Variants in PATZ1 observed in about 807,000 individuals in gnomAD.
The protein encoded by PATZ1 is POZ-, AT hook-, and zinc finger-containing protein 1.
A neutral mutation model predicts 46.2 loss-of-function variants in PATZ1; 9 were observed. The ratio of observed to expected loss-of-function variants is 0.19; its 90% CI spans 0.12 to 0.34. The LOEUF (loss-of-function observed/expected upper bound fraction) is 0.34, where lower values mean the gene tolerates loss of function less well. Among genes scored for constraint, PATZ1 ranks in the 10% least tolerant of loss-of-function variants. PATZ1 has a pLI of 1.00. For missense variants in PATZ1, 632 were observed against 923.0 expected (o/e 0.68, Z 4.08); for synonymous variants, 426 against 378.6 (o/e 1.13, Z -1.45).
At position 31,331,268 on chromosome 22, in the gene PATZ1, T is replaced by C. The variant is rs527356289; in HGVS notation, c.1508-2344A>G. Among the ~76,000 whole-genome samples, 6 of 152,176 alleles carry C rather than the reference T, an allele frequency of 3.9e-5. No homozygotes were observed. The East Asian group carries it at 1.2e-3, about 29-fold the overall frequency. ...AAAACAAAGCAGAACCAGGAGACAT[T>C]GGCTCCCACCAATCAGTACAAGATA... On this transcript the variant is annotated intron_variant, in intron 3 of 4. Coordinates refer to ENST00000266269, the MANE Select transcript of PATZ1 (RefSeq NM_014323.3).
In PATZ1 at chr22:31,326,555, TAGG is replaced by T. The variant is rs1224690595; in HGVS notation, c.*333_*335del. ...TCCCAGAATATCATAGATTTGGGTA[TAGG>T]ATTGGGGTCACTAAGAATTGAGCAC... On this transcript the variant is annotated 3_prime_UTR_variant, in exon 5 of 5. Coordinates refer to ENST00000266269, the MANE Select transcript of PATZ1 (RefSeq NM_014323.3). The T allele has an allele frequency of 1.4e-5, 4 of 294,412 alleles. No individual in the cohort carries two copies. Among genetic ancestry groups the T allele is most frequent in the African/African-American group, 8.6e-5 (4 of 46,646 alleles). 18.2% of individuals were successfully genotyped at this position (294,412 alleles called of 1,614,324 possible).
rs201619813 is a variant in PATZ1 at position 31,344,783 on chromosome 22, T to A, written c.820A>T (p.Asn274Tyr). ...GACCCAAACATTGAGTCCAGCAGGT[T>A]GGCCTTCCTTGGGCGGCCCCGGCCT... ...KRGRGRPRKA[N>Y]LLDSMFGSPG... The change falls in exon 1 of 5, where the codon AAC becomes TAC. Residue 274 changes from asparagine (N) to tyrosine (Y), a missense_variant. Asn to Tyr is a moderately radical substitution (Grantham distance 143). Transcript: ENST00000266269. The A allele has an allele frequency of 6.2e-7, 1 of 1,609,182 alleles. No homozygotes were observed. Among genetic ancestry groups the A allele is most frequent in the East Asian group, 2.2e-5 (1 of 44,786 alleles).
At chr22:31,329,140 C>T (rs2049405803) in intron 3 of PATZ1, among the ~76,000 whole-genome samples, 1 of 152,206 alleles carries the variant, frequency 6.6e-6, no homozygotes, top group Non-Finnish European at 1.5e-5. Flanking sequence ...CTGCAGAGCC[C>T]ACTCTGCAAG....
rs970417841 is a variant in PATZ1 at position 31,341,067 on chromosome 22, G to C, written c.1335+1830C>G. 3.7e-6 allele frequency: 4 copies of C among 1,094,490 alleles called. No homozygotes were observed. The African/African-American group carries it at 6.4e-5, about 18-fold the overall frequency. 67.8% of individuals were successfully genotyped at this position (1,094,490 alleles called of 1,614,324 possible). A position where few individuals can be genotyped will look rare whatever the true frequency, so the allele number is the denominator to read the frequency against. ...CCAGGCCTATGGGAAGTGATGCCAG[G>C]GGAAGGGAAGCAGATAAGCTGGTGG... On this transcript the variant is annotated intron_variant, in intron 2 of 4. Transcript: ENST00000266269.
chr22:31,333,626 A>T (rs1440197835), intron 3 of PATZ1, among the ~76,000 whole-genome samples: 1 of 151,880 alleles, frequency 6.6e-6, no homozygotes, highest in Non-Finnish European at 1.5e-5. Flanking sequence ...CACCTTCTTT[A>T]GTCTTCTTGC....
rs1165320794 is a variant in PATZ1 at position 31,335,696 on chromosome 22, G to C, written c.1503C>G (p.Asn501Lys). 6.2e-7 allele frequency: 1 copy of C among 1,613,878 alleles called. No individual in the cohort carries two copies. The highest frequency in any genetic ancestry group is 1.3e-5 in the African/African-American group (1 of 75,016). ...EGPSNFCSIC[N>K]RGFSSASYLK... ...AGGAAACAGTGGGCAGATTACCTCG[G>C]TTACAGATACTGCAGAAGTTGCTGG... The change falls in exon 3 of 5, where the codon AAC becomes AAG. Residue 501 changes from asparagine to lysine, a missense_variant. Coordinates refer to ENST00000266269, the MANE Select transcript of PATZ1 (RefSeq NM_014323.3).
intron 1 of PATZ1, 59 bp downstream of exon 1, chr22:31,344,273 G>C (rs911115817): frequency 1.4e-5 from 21 of 1,450,118 alleles, no homozygotes; most frequent in Non-Finnish European, 1.9e-5. Flanking sequence ...ATCTTGGCAG[G>C]AGCCTTTTCA....
intron 2 of PATZ1, among the ~76,000 whole-genome samples, chr22:31,336,784 C>G (rs2049515381): frequency 8.6e-6 from 1 of 116,034 alleles, no homozygotes; most frequent in African/African-American, 3.5e-5. Flanking sequence ...CCAGCCTGGG[C>G]AACAAGTCAA....
chr22:31,335,402 C>A, intron 3 of PATZ1: 1 of 342,802 alleles, frequency 2.9e-6, no homozygotes. Flanking sequence ...ATCCATCCTG[C>A]CATCTGAGTA....
intron 3 of PATZ1, among the ~76,000 whole-genome samples, chr22:31,330,107 C>T (rs541405569): frequency 7.2e-5 from 11 of 152,318 alleles, no homozygotes; most frequent in African/African-American, 2.4e-4. Flanking sequence ...TGTGTAATGT[C>T]TGCATGAGAT....
intron 1 of PATZ1, chr22:31,343,620 A>T (rs2049610322): frequency 6.1e-6 from 1 of 163,318 alleles, no homozygotes; most frequent in African/African-American, 2.4e-5. Context: ...AAACAAAATC[A>T]CCCTCTGCTC....
intron 3 of PATZ1, among the ~76,000 whole-genome samples, chr22:31,331,071 C>T (rs2049434978): frequency 1.3e-5 from 2 of 152,174 alleles, no homozygotes. Context: ...GCAAGTTGTC[C>T]TGTGCTATGA....
intron 2 of PATZ1, 24 bp downstream of exon 2, chr22:31,342,873 T>C (rs767586195): frequency 2.5e-6 from 4 of 1,613,000 alleles, no homozygotes; most frequent in South Asian, 2.2e-5. Flanking sequence ...CTTCAGCCCA[T>C]CTCTGCCCTG....
Position 31,345,504 on chromosome 22 carries a change from C to T in PATZ1, c.99G>A (p.Gln33=). 6.2e-7 allele frequency: 1 copy of T among 1,613,386 alleles called. No individual in the cohort carries two copies. Among genetic ancestry groups the T allele is most frequent in the Non-Finnish European group, 8.5e-7 (1 of 1,179,910 alleles). ...CGCAGAAGCGCCCGCCGTTTTTGCG[C>T]TGCTGGTTCAGGTTGTGCAGCATCT... ...STEMLHNLNQ[Q]RKNGGRFCDV... The change falls in exon 1 of 5, where the codon CAG becomes CAA. Residue 33 remains glutamine (Q), a synonymous_variant. Transcript: ENST00000266269. This position sits in a 1 kb window ranked among gnomAD's most constrained non-coding sequence, Gnocchi z 7.4.
At chr22:31,341,633 G>A (rs148123855) in intron 2 of PATZ1, 8 of 1,613,896 alleles carry the variant, frequency 5.0e-6, no homozygotes, top group Admixed American at 3.3e-5. Context: ...ATGGCAGGTC[G>A]CTAGGAAGAG....
chr22:31,344,306 G>T (rs752624661), intron 1 of PATZ1, 26 bp downstream of exon 1: 3 of 1,562,912 alleles, frequency 1.9e-6, no homozygotes, highest in South Asian at 2.4e-5. Context: ...CGTGTGGCAG[G>T]GGAGGAAGAG....
chr22:31,345,644 C>G lies in PATZ1; in HGVS notation c.-42G>C. The G allele has an allele frequency of 6.5e-7, 1 of 1,529,006 alleles. No homozygotes were observed. The highest frequency in any genetic ancestry group is 8.8e-7 in the Non-Finnish European group (1 of 1,131,678). The allele number at this position is 1,529,006 out of a possible 1,614,324, so 94.7% of individuals were successfully genotyped here. A position where few individuals can be genotyped will look rare whatever the true frequency, so the allele number is the denominator to read the frequency against. ...CACTAGCCCGGCCGCTGCACCTGCC[C>G]GCCCCCTCCCTTCCCCTCAGCAGCG... is the stretch of plus-strand genomic sequence containing the variant. On this transcript the variant is annotated 5_prime_UTR_variant, in exon 1 of 5. Coordinates refer to ENST00000266269, the MANE Select transcript of PATZ1 (RefSeq NM_014323.3). The surrounding 1 kb of genome is among the most constrained non-coding windows in gnomAD (Gnocchi z 7.4).
chr22:31,326,430 A>G lies in PATZ1; in HGVS notation c.*461T>C, dbSNP rs2049371192. ...TCCTTAAAAACAGTTGGGCATCCGCATTGTATAAGTAGGTGGAGACCCTAG... is the reference window on the plus strand; with the variant it reads ...TCCTTAAAAACAGTTGGGCATCCGCGTTGTATAAGTAGGTGGAGACCCTAG... On this transcript the variant is annotated 3_prime_UTR_variant, in exon 5 of 5. Transcript: ENST00000266269. 2 of 236,444 alleles carry G rather than the reference A, an allele frequency of 8.5e-6. No individual in the cohort carries two copies. The highest frequency in any genetic ancestry group is 1.7e-4 in the South Asian group (1 of 5,816). The allele number at this position is 236,444 out of a possible 1,614,324, so 14.6% of individuals were successfully genotyped here.
At chr22:31,340,404 AT>A (rs1259331892) in intron 2 of PATZ1, among the ~76,000 whole-genome samples, 23 of 152,120 alleles carry the variant, frequency 1.5e-4, no homozygotes, top group Admixed American at 1.4e-3. Flanking sequence ...TTCACCTCTT[AT>A]GTTTTCAGCA....
Sources: gnomAD v4.1 joint callset for allele counts (sites outside exome capture counted in the v4.1 genomes callset) on GRCh38, gnomAD v4.1.1 for gene constraint, Gnocchi (gnomAD v3.1) non-coding constraint, MANE v1.5 for transcripts, NCBI Gene and HGNC (gene_info 2026-07-23, HGNC 2026-07-21) for gene names.